Variants in LHFPL1 observed in about 807,000 individuals in gnomAD.
LHFPL1 encodes the protein LHFPL tetraspan subfamily member 1 protein.
LHFPL1 carries 4 observed loss-of-function variants against 12.1 expected under a neutral mutation model. The ratio of observed to expected loss-of-function variants is 0.33; its 90% CI spans 0.16 to 0.76. The LOEUF (loss-of-function observed/expected upper bound fraction) is 0.76. LHFPL1 is among the 30% of genes least tolerant of loss of function. The pLI, the probability that LHFPL1 is intolerant of heterozygous loss-of-function variation, is 0.61. For missense variants in LHFPL1, 141 were observed against 174.1 expected (o/e 0.81, Z 1.07); for synonymous variants, 52 against 61.9 (o/e 0.84, Z 0.75).
chrX:112,638,404 A>G (rs1488100197), intron 3 of LHFPL1, among the ~76,000 whole-genome samples: 3 of 111,523 alleles, frequency 2.7e-5, no homozygotes, highest in Non-Finnish European at 5.6e-5. Context: ...TCCACATATC[A>G]AGCCAGGTAG....
intron 3 of LHFPL1, among the ~76,000 whole-genome samples, chrX:112,633,855 G>A (rs979763432): frequency 1.8e-5 from 2 of 111,265 alleles, no homozygotes; most frequent in Non-Finnish European, 3.8e-5. Context: ...TAGTTTAAAC[G>A]TGAACAACAA....
intron 1 of LHFPL1, among the ~76,000 whole-genome samples, chrX:112,679,146 G>A (rs1931735446): frequency 9.0e-6 from 1 of 110,534 alleles, no homozygotes; most frequent in African/African-American, 3.3e-5. Flanking sequence ...CCACTCCATG[G>A]GTGATTTTTC....
intron 3 of LHFPL1, among the ~76,000 whole-genome samples, chrX:112,633,263 C>T (rs1378085274): frequency 2.7e-5 from 3 of 111,946 alleles, no homozygotes; most frequent in Non-Finnish European, 5.6e-5. Flanking sequence ...AAGCTGAGGA[C>T]ATTGGCATTT....
chrX:112,677,835 A>C (rs1771596611), intron 1 of LHFPL1, among the ~76,000 whole-genome samples: 1 of 111,331 alleles, frequency 9.0e-6, no homozygotes, highest in African/African-American at 3.3e-5. Flanking sequence ...GACTCTAAGA[A>C]GATCTCTCTT....
chrX:112,640,288 G>T (rs951981819), intron 3 of LHFPL1, among the ~76,000 whole-genome samples: 1 of 111,204 alleles, frequency 9.0e-6, no homozygotes, highest in African/African-American at 3.3e-5. Context: ...ATCAAATCCA[G>T]TTGAAAGGAG....
intron 3 of LHFPL1, among the ~76,000 whole-genome samples, chrX:112,640,488 T>A (rs909107619): frequency 1.8e-5 from 2 of 111,734 alleles, no homozygotes; most frequent in African/African-American, 6.5e-5. Flanking sequence ...TAGGCCTTGC[T>A]AAAGAATCTG....
At chrX:112,653,594 T>G (rs1009970303) in intron 3 of LHFPL1, among the ~76,000 whole-genome samples, 7 of 112,178 alleles carry the variant, frequency 6.2e-5, no homozygotes, top group African/African-American at 2.3e-4. Context: ...TTCCTTTTCC[T>G]TGCTGAAGGA....
intron 3 of LHFPL1, among the ~76,000 whole-genome samples, chrX:112,637,586 A>G (rs950174106): frequency 8.9e-6 from 1 of 112,157 alleles, no homozygotes; most frequent in African/African-American, 3.2e-5. Flanking sequence ...GAATCCAAAA[A>G]AGGAGTTCTC....
intron 2 of LHFPL1, among the ~76,000 whole-genome samples, chrX:112,669,841 G>A: frequency 9.0e-6 from 1 of 111,534 alleles, no homozygotes; most frequent in Middle Eastern, 4.6e-3. Context: ...CCAGGGGGGA[G>A]GGGCATGCAA....
chrX:112,665,183 C>CT (rs370572077), intron 2 of LHFPL1, among the ~76,000 whole-genome samples: 1,571 of 97,908 alleles, frequency 0.016, 29 homozygotes, highest in African/African-American at 0.047. Flanking sequence ...AAGTCTGTCT[C>CT]TTTTTTTTTT....
intron 3 of LHFPL1, among the ~76,000 whole-genome samples, chrX:112,642,335 GC>G (rs760124028): frequency 1.0e-5 from 1 of 100,157 alleles, no homozygotes; most frequent in South Asian, 5.8e-4. Flanking sequence ...ACATGGTGAA[GC>G]CCCGTCTCAA....
intron 3 of LHFPL1, among the ~76,000 whole-genome samples, chrX:112,648,176 G>C (rs1930750620): frequency 9.2e-6 from 1 of 108,236 alleles, no homozygotes; most frequent in African/African-American, 3.4e-5. Context: ...GCCTGTTGGG[G>C]GGTGGGGGGC....
chrX:112,674,224 T>A (rs1255658048), intron 1 of LHFPL1, among the ~76,000 whole-genome samples: 2 of 111,723 alleles, frequency 1.8e-5, no homozygotes, highest in African/African-American at 6.5e-5. Context: ...AGTGCTGGGA[T>A]AATTGGCTAG....
At chrX:112,669,363 T>C (rs1227235859) in intron 2 of LHFPL1, among the ~76,000 whole-genome samples, 1 of 112,683 alleles carries the variant, frequency 8.9e-6, no homozygotes, top group African/African-American at 3.2e-5. Context: ...CCAGCTAAGA[T>C]AATTGGCTTA....
chrX:112,658,522 T>C (rs1401722913), intron 3 of LHFPL1, among the ~76,000 whole-genome samples: 2 of 108,405 alleles, frequency 1.8e-5, no homozygotes, highest in Non-Finnish European at 3.8e-5. Context: ...AGCCAATAAG[T>C]ACACAAAAAG....
chrX:112,678,635 T>C (rs1419200570), intron 1 of LHFPL1, among the ~76,000 whole-genome samples: 2 of 106,417 alleles, frequency 1.9e-5, no homozygotes, highest in Non-Finnish European at 3.8e-5. Flanking sequence ...TCAGAGAAGT[T>C]GAGAGGCAGC....
chrX:112,644,188 A>G (rs1930616634), intron 3 of LHFPL1, among the ~76,000 whole-genome samples: 1 of 112,040 alleles, frequency 8.9e-6, no homozygotes, highest in Admixed American at 9.4e-5. Flanking sequence ...CCTCCTATGG[A>G]TGAGTTGCTT....
intron 3 of LHFPL1, among the ~76,000 whole-genome samples, chrX:112,655,335 T>C (rs1232762715): frequency 8.9e-6 from 1 of 111,995 alleles, no homozygotes; most frequent in African/African-American, 3.2e-5. Flanking sequence ...ATCAAGAAAT[T>C]TGTGGCTATC....
intron 3 of LHFPL1, among the ~76,000 whole-genome samples, chrX:112,644,004 C>A (rs951666104): frequency 8.9e-6 from 1 of 112,151 alleles, no homozygotes; most frequent in Non-Finnish European, 1.9e-5. Flanking sequence ...CTGACTGATT[C>A]CCCCACTGCC....
Sources: gnomAD v4.1 joint callset for allele counts (sites outside exome capture counted in the v4.1 genomes callset) on GRCh38, gnomAD v4.1.1 for gene constraint, MANE v1.5 for transcripts, NCBI Gene and HGNC (gene_info 2026-07-23, HGNC 2026-07-21) for gene names.